Variants in SLC8B1 observed in about 807,000 individuals in gnomAD.
SLC8B1 encodes the protein solute carrier family 8 member B1, also known as mitochondrial sodium/calcium exchanger protein.
SLC8B1 carries 52 observed loss-of-function variants against 63.4 expected under a neutral mutation model. The observed-to-expected ratio is 0.82, with a 90% confidence interval of 0.66 to 1.03. The LOEUF is 1.03. SLC8B1 is among the 50% of genes least tolerant of loss of function. The pLI is 0.00. For synonymous variants in SLC8B1, 336 were observed against 323.9 expected (o/e 1.04, Z -0.40); for missense variants, 657 against 741.7 (o/e 0.89, Z 1.33).
chr12:113,303,470 G>A (rs973547760), intron 15 of SLC8B1, among the ~76,000 whole-genome samples: 7 of 152,062 alleles, frequency 4.6e-5, no homozygotes, highest in African/African-American at 1.4e-4. Flanking sequence ...TTCCCATGGC[G>A]AGGCTTAAAA....
Position 113,320,915 on chromosome 12 carries a change from GA to G in SLC8B1, c.363-9del. On this transcript the variant is annotated splice_polypyrimidine_tract_variant and intron_variant, in intron 4 of 15. Coordinates refer to ENST00000680972, the MANE Select transcript of SLC8B1 (RefSeq NM_001358345.2). This position sits in a 1 kb window ranked among gnomAD's most constrained non-coding sequence, Gnocchi z 5.3. ...GACAAGTTGGGGCAGAAACTACGGA[GA>G]AAAAGCGGACGGGAAGCATTTCCGT... 3 of 1,603,948 alleles carry G rather than the reference GA, an allele frequency of 1.9e-6. No homozygotes were observed. Among genetic ancestry groups the G allele is most frequent in the South Asian group, 1.1e-5 (1 of 88,894 alleles).
In SLC8B1 at chr12:113,317,381, G is replaced by A. The variant is rs145214659; in HGVS notation, c.803-380C>T. On this transcript the variant is annotated intron_variant, in intron 8 of 15. Coordinates refer to ENST00000680972, the MANE Select transcript of SLC8B1 (RefSeq NM_001358345.2). ...TGGCATTACAGGCATGAGCCACTGC[G>A]CCCGGCCACGTCCAGGCTGTCTTTA... Among the ~76,000 whole-genome samples the A allele has an allele frequency of 4.0e-3, 602 of 152,304 alleles. 6 individuals are homozygous for A. The highest frequency in any genetic ancestry group is 0.013 in the African/African-American group (560 of 41,568).
chr12:113,299,814 AG>A lies in SLC8B1; in HGVS notation c.1717del (p.Leu573SerfsTer6), dbSNP rs745744633. On this transcript the variant is annotated frameshift_variant, in exon 16 of 16. Coordinates refer to ENST00000680972, the MANE Select transcript of SLC8B1 (RefSeq NM_001358345.2). LOFTEE classifies it high-confidence loss of function. ...FYLNFLVVAL[L>X]TEFGVIHLKS... ...CAGGTGAATCACTCCAAATTCAGTGAGGAGGGCCACGACAAGGAAGTTCAGG... is the reference window on the plus strand; with the variant it reads ...CAGGTGAATCACTCCAAATTCAGTGAGAGGGCCACGACAAGGAAGTTCAGG... 6.8e-6 allele frequency: 11 copies of A among 1,614,228 alleles called. No individual in the cohort carries two copies. The highest frequency in any genetic ancestry group is 8.5e-6 in the Non-Finnish European group (10 of 1,180,036).
Position 113,320,426 on chromosome 12 carries a change from C to G in SLC8B1, c.599G>C (p.Arg200Thr), listed in dbSNP as rs1566238475. 1 of 1,614,174 alleles carries G rather than the reference C, an allele frequency of 6.2e-7. No individual in the cohort carries two copies. ...TILHPFMAAS[R>T]PFFRDIVFYM... is the part of the protein sequence containing the mutation. ...GAAAACGATGTCCCTGAAGAAGGGC[C>G]TGGAGGCAGCCATGAAGGGGTGTAG... Residue 200 changes from arginine to threonine, a missense_variant, in exon 7 of 16, where the codon AGG (arginine) becomes ACG (threonine). Arg to Thr is a moderately conservative substitution (Grantham distance 71). Coordinates refer to ENST00000680972, the MANE Select transcript of SLC8B1 (RefSeq NM_001358345.2). This position sits in a 1 kb window ranked among gnomAD's most constrained non-coding sequence, Gnocchi z 5.3.
At chr12:113,334,062 C>A (rs917846759) in intron 1 of SLC8B1, among the ~76,000 whole-genome samples, 15 of 152,198 alleles carry the variant, frequency 9.9e-5, no homozygotes, top group African/African-American at 3.4e-4. Context: ...ACAGAGCCCA[C>A]AGCCCCTCCG....
chr12:113,322,193 T>A (rs1956940611), intron 2 of SLC8B1, among the ~76,000 whole-genome samples: 1 of 151,514 alleles, frequency 6.6e-6, no homozygotes, highest in African/African-American at 2.4e-5. Context: ...AAAAAAAAAA[T>A]ATGTATCTCA....
At chr12:113,332,411 C>G (rs572204679) in intron 2 of SLC8B1, among the ~76,000 whole-genome samples, 1 of 152,284 alleles carries the variant, frequency 6.6e-6, no homozygotes, top group African/African-American at 2.4e-5. Context: ...ATTACAGGCA[C>G]CTGCCACCAT....
rs747512925 is a variant in SLC8B1 at position 113,299,854 on chromosome 12, G to C, written c.1678C>G (p.Leu560Val). Residue 560 changes from leucine (L) to valine (V), a missense_variant, in exon 16 of 16, where the codon CTG (leucine) becomes GTG (valine). Physicochemically the swap from Leu to Val is conservative, Grantham distance 32. Transcript: ENST00000680972. ...FQLSRVYGFCLLLFYLNFLVV... is the reference protein window; with the variant it reads ...FQLSRVYGFCVLLFYLNFLVV... Reference sequence around the variant, plus strand: ...AGGAAGTTCAGGTAGAAGAGGAGCAGGCAGAAGCCATAGACTCTGCTGAGC... The same window carrying C: ...AGGAAGTTCAGGTAGAAGAGGAGCACGCAGAAGCCATAGACTCTGCTGAGC... 34 of 1,614,222 alleles carry C rather than the reference G, an allele frequency of 2.1e-5. No individual in the cohort carries two copies. The highest frequency in any genetic ancestry group is 2.8e-5 in the Non-Finnish European group (33 of 1,180,016).
chr12:113,304,750 T>C (rs940563955), intron 14 of SLC8B1, among the ~76,000 whole-genome samples: 5 of 152,304 alleles, frequency 3.3e-5, no homozygotes, highest in African/African-American at 7.2e-5. Flanking sequence ...CACAGGCATA[T>C]GCCACCACAC....
At chr12:113,304,216 G>A (rs1335861570) in intron 15 of SLC8B1, 105 bp downstream of exon 15, 11 of 1,000,240 alleles carry the variant, frequency 1.1e-5, no homozygotes, top group Non-Finnish European at 1.6e-5. Flanking sequence ...TACAGCCAGG[G>A]ACTTAAGTGA....
intron 8 of SLC8B1, among the ~76,000 whole-genome samples, chr12:113,318,237 T>C (rs1233745589): frequency 2.8e-5 from 4 of 141,404 alleles, no homozygotes; most frequent in Non-Finnish European, 4.4e-5. Context: ...TACACATTTG[T>C]GTGTGTGTTG....
chr12:113,330,302 C>T (rs1046054630), intron 2 of SLC8B1, among the ~76,000 whole-genome samples: 2 of 152,168 alleles, frequency 1.3e-5, no homozygotes, highest in Admixed American at 1.3e-4. Flanking sequence ...GCTGGGGGGG[C>T]CTTTCCCAGC....
intron 2 of SLC8B1, among the ~76,000 whole-genome samples, chr12:113,327,340 T>G (rs892162892): frequency 6.6e-6 from 1 of 152,142 alleles, no homozygotes; most frequent in African/African-American, 2.4e-5. Context: ...TGAGTGATTT[T>G]GGGCAAGTAA....
chr12:113,301,494 G>T (rs1289318258), intron 15 of SLC8B1, among the ~76,000 whole-genome samples: 1 of 151,772 alleles, frequency 6.6e-6, no homozygotes. Context: ...CTGCCACCAC[G>T]CCTGGCTAAT....
At chr12:113,317,456 G>A (rs149159069) in intron 8 of SLC8B1, among the ~76,000 whole-genome samples, 1 of 152,316 alleles carries the variant, frequency 6.6e-6, no homozygotes, top group Non-Finnish European at 1.5e-5. Context: ...CTTACACAGT[G>A]AAAGTCTAAT....
Position 113,299,881 on chromosome 12 carries a change from G to A in SLC8B1, c.1651C>T (p.Gln551Ter), listed in dbSNP as rs1054989400. The A allele has an allele frequency of 1.2e-6, 2 of 1,614,092 alleles. No individual in the cohort carries two copies. Among genetic ancestry groups the A allele is most frequent in the Admixed American group, 1.7e-5 (1 of 60,012 alleles). ...CAGAAGCCATAGACTCTGCTGAGCT[G>A]GAAGCACTGCAATGGGACTGAGACC... The part of the protein sequence containing the change: ...SLVSVPLQCF[Q>*]LSRVYGFCLL... Residue 551 changes from glutamine (Q) to a stop codon, truncating the protein, a stop_gained, in exon 16 of 16, where the codon CAG becomes TAG. Coordinates refer to ENST00000680972, the MANE Select transcript of SLC8B1 (RefSeq NM_001358345.2). LOFTEE classifies it high-confidence loss of function.
chr12:113,331,965 C>T (rs918352409), intron 2 of SLC8B1, among the ~76,000 whole-genome samples: 1 of 152,144 alleles, frequency 6.6e-6, no homozygotes, highest in East Asian at 1.9e-4. Flanking sequence ...TAGCATTCTT[C>T]CCCTCACTTG....
chr12:113,302,182 A>T (rs1343043755), intron 15 of SLC8B1: 3 of 157,180 alleles, frequency 1.9e-5, no homozygotes, highest in East Asian at 3.7e-4. Context: ...AAGGGTTTCA[A>T]GATACAATCA....
chr12:113,320,637 G>A lies in SLC8B1; in HGVS notation c.470C>T (p.Ala157Val). The change falls in exon 6 of 16, where the codon GCC becomes GTC. Residue 157 changes from alanine to valine, a missense_variant. Physicochemically the swap from Ala to Val is moderately conservative, Grantham distance 64. Transcript: ENST00000680972. The surrounding 1 kb of genome is among the most constrained non-coding windows in gnomAD (Gnocchi z 5.3). ...FGNGAPDIFS[A>V]LVAFSDPHTA... Reference sequence around the variant, plus strand: ...GTGCGGGTCAGAGAAGGCCACCAGGGCACTGAAGATGTCAGGTGCACCATT... The same window carrying A: ...GTGCGGGTCAGAGAAGGCCACCAGGACACTGAAGATGTCAGGTGCACCATT... 3.1e-6 allele frequency: 5 copies of A among 1,614,096 alleles called. No homozygotes were observed. The highest frequency in any genetic ancestry group is 4.2e-6 in the Non-Finnish European group (5 of 1,180,020).
Sources: allele counts gnomAD v4.1 joint callset (sites outside exome capture counted in the v4.1 genomes callset), GRCh38; gene constraint gnomAD v4.1.1; non-coding constraint Gnocchi (gnomAD v3.1); transcripts MANE v1.5; gene names NCBI Gene and HGNC (gene_info 2026-07-23, HGNC 2026-07-21).